GADL1: variants seen among roughly 807,000 people sequenced by gnomAD.
The protein encoded by GADL1 is GAD like acidic amino acid decarboxylase 1.
A neutral mutation model predicts 69.5 loss-of-function variants in GADL1; 71 were observed. The ratio of observed to expected loss-of-function variants is 1.02; its 90% CI spans 0.84 to 1.25. The LOEUF is 1.25. Ranked by LOEUF, GADL1 falls within the 50% of genes most tolerant of loss-of-function variation. The pLI, the probability that GADL1 is intolerant of heterozygous loss-of-function variation, is 0.00. For synonymous variants in GADL1, 254 were observed against 214.4 expected, an observed-to-expected ratio of 1.18 and a Z score of -1.62; for missense variants, 737 against 631.8, an observed-to-expected ratio of 1.17 and a Z score of -1.79.
chr3:30,862,741 C>T (rs749710758), intron 1 of GADL1, among the ~76,000 whole-genome samples: 1 of 152,004 alleles, frequency 6.6e-6, no homozygotes, highest in Non-Finnish European at 1.5e-5. Context: ...TCTTCAAAGG[C>T]AAAGAGCTAG....
chr3:30,873,190 T>C (rs977885545), intron 1 of GADL1, among the ~76,000 whole-genome samples: 8 of 151,964 alleles, frequency 5.3e-5, no homozygotes, highest in African/African-American at 1.7e-4. Flanking sequence ...GAAACAAAAA[T>C]ATAATTGCAC....
At position 30,793,927 on chromosome 3, in the gene GADL1, G is replaced by A. The variant is rs576273785; in HGVS notation, c.1250+6962C>T. ...CCTGAGATTTTTCCATCTGCTTTCCGTATGCTCTGCATAGATCAGCACATG... is the reference window on the plus strand; with the variant it reads ...CCTGAGATTTTTCCATCTGCTTTCCATATGCTCTGCATAGATCAGCACATG... On this transcript the variant is annotated intron_variant, in intron 12 of 14. Coordinates refer to ENST00000282538, the MANE Select transcript of GADL1 (RefSeq NM_207359.3). Among the ~76,000 whole-genome samples the A allele has an allele frequency of 2.6e-5, 4 of 152,192 alleles. No homozygotes were observed. The South Asian group carries it at 6.2e-4, about 24-fold the overall frequency.
Position 30,786,350 on chromosome 3 carries a change from C to T in GADL1, c.1302+5G>A. ...AATCACAAGCACAATTATGCAATCA[C>T]TTACTTCCATCAGTAACTTGAATCC... On this transcript the variant is annotated splice_donor_5th_base_variant and intron_variant, in intron 13 of 14. Transcript: ENST00000282538. The T allele has an allele frequency of 6.5e-7, 1 of 1,548,656 alleles. No individual in the cohort carries two copies. Among genetic ancestry groups the T allele is most frequent in the South Asian group, 1.1e-5 (1 of 89,506 alleles).
chr3:30,755,039 T>A (rs1421278174), intron 14 of GADL1, among the ~76,000 whole-genome samples: 2 of 152,160 alleles, frequency 1.3e-5, no homozygotes, highest in Non-Finnish European at 2.9e-5. Context: ...GAATATTGTT[T>A]GATCTAGCAA....
intron 12 of GADL1, among the ~76,000 whole-genome samples, chr3:30,796,187 C>T (rs916336033): frequency 4.6e-5 from 7 of 152,092 alleles, no homozygotes; most frequent in African/African-American, 7.2e-5. Context: ...AAAGCTTAGA[C>T]AAAATAATGC....
intron 14 of GADL1, among the ~76,000 whole-genome samples, chr3:30,759,273 CTT>C (rs1420517679): frequency 2.0e-5 from 3 of 151,734 alleles, no homozygotes; most frequent in African/African-American, 7.2e-5. Flanking sequence ...ATCTATAAAT[CTT>C]TTTCTTCCAA....
chr3:30,747,973 T>C (rs1452071892), intron 14 of GADL1, among the ~76,000 whole-genome samples: 5 of 152,176 alleles, frequency 3.3e-5, no homozygotes, highest in Non-Finnish European at 7.3e-5. Context: ...GGCTGAAAAA[T>C]GCTTCCTGTC....
At chr3:30,893,775 G>A (rs987445127) in intron 1 of GADL1, among the ~76,000 whole-genome samples, 1 of 152,078 alleles carries the variant, frequency 6.6e-6, no homozygotes, top group Admixed American at 6.5e-5. Flanking sequence ...TGACTGATCC[G>A]CAGGGGACCC....
intron 13 of GADL1, among the ~76,000 whole-genome samples, chr3:30,780,117 ACTCCC>A (rs1017095915): frequency 3.3e-5 from 5 of 151,898 alleles, no homozygotes; most frequent in Non-Finnish European, 7.4e-5. Flanking sequence ...TTCCTGGCAT[ACTCCC>A]CTCAGGTGGT....
At chr3:30,801,116 G>T (rs972490548) in intron 11 of GADL1, 28 bp from the exon 12 acceptor site, 7 of 1,540,028 alleles carry the variant, frequency 4.5e-6, no homozygotes, top group Non-Finnish European at 6.3e-6. Flanking sequence ...TTACAAGACT[G>T]TTAAACTTTA....
At chr3:30,803,463 C>T (rs1697198489) in intron 11 of GADL1, among the ~76,000 whole-genome samples, 1 of 150,086 alleles carries the variant, frequency 6.7e-6, no homozygotes, top group African/African-American at 2.4e-5. Context: ...ATTAAAAATC[C>T]CCAAAGCAAA....
intron 1 of GADL1, among the ~76,000 whole-genome samples, chr3:30,885,607 C>T (rs1417667647): frequency 6.6e-6 from 1 of 151,966 alleles, no homozygotes; most frequent in Admixed American, 6.6e-5. Flanking sequence ...CTTTTAATTC[C>T]TAGGTGTAAA....
chr3:30,849,001 C>T (rs1698100808), intron 6 of GADL1, among the ~76,000 whole-genome samples: 1 of 152,040 alleles, frequency 6.6e-6, no homozygotes. Flanking sequence ...GGGATTTTGC[C>T]AAGAAAATGA....
chr3:30,804,363 C>A (rs1228459528), intron 11 of GADL1, among the ~76,000 whole-genome samples: 1 of 152,148 alleles, frequency 6.6e-6, no homozygotes, highest in Non-Finnish European at 1.5e-5. Flanking sequence ...GACAAAGAGA[C>A]AACTTCTGCT....
intron 14 of GADL1, among the ~76,000 whole-genome samples, chr3:30,761,469 G>A (rs540599248): frequency 8.0e-6 from 1 of 125,412 alleles, no homozygotes; most frequent in East Asian, 2.2e-4. Flanking sequence ...CAGAACCTGG[G>A]GGATAGATAT....
chr3:30,870,319 C>A (rs1304380027), intron 1 of GADL1, among the ~76,000 whole-genome samples: 1 of 151,418 alleles, frequency 6.6e-6, no homozygotes, highest in African/African-American at 2.4e-5. Flanking sequence ...AGAAGGAGAG[C>A]CAGACACGAA....
intron 14 of GADL1, among the ~76,000 whole-genome samples, chr3:30,771,531 G>A (rs28411350): frequency 1.3e-5 from 2 of 151,970 alleles, no homozygotes; most frequent in Non-Finnish European, 2.9e-5. Flanking sequence ...TCTTTAAAAG[G>A]CACTTTGATA....
intron 8 of GADL1, among the ~76,000 whole-genome samples, chr3:30,839,506 C>A (rs1235503759): frequency 2.1e-5 from 1 of 47,294 alleles, no homozygotes. Flanking sequence ...CCATCATTGT[C>A]ATCTTCTCAA....
At chr3:30,888,271 G>A (rs1698735614) in intron 1 of GADL1, among the ~76,000 whole-genome samples, 1 of 152,152 alleles carries the variant, frequency 6.6e-6, no homozygotes, top group Non-Finnish European at 1.5e-5. Context: ...GGGGCACATA[G>A]AAGAGCCTTC....
Sources: gnomAD v4.1 joint callset for allele counts (sites outside exome capture counted in the v4.1 genomes callset) on GRCh38, gnomAD v4.1.1 for gene constraint, MANE v1.5 for transcripts, NCBI Gene and HGNC (gene_info 2026-07-23, HGNC 2026-07-21) for gene names.